The following CYLC1 variants were observed in gnomAD, a reference collection of about 807,000 sequenced individuals.
CYLC1 encodes cylicin 1.
Under a neutral mutation model 31.6 loss-of-function variants are expected in CYLC1, and 2 were observed. The observed-to-expected ratio is 0.06, with a 90% CI of 0.03 to 0.20. CYLC1 has a LOEUF of 0.20. Among genes scored for constraint, CYLC1 ranks in the 10% least tolerant of loss-of-function variants. The pLI is 1.00. For missense variants in CYLC1, 595 were observed against 424.1 expected (o/e 1.40, Z -3.54); for synonymous variants, 185 against 153.0 (o/e 1.21, Z -1.54).
At chrX:83,882,728 T>C (rs1000029711) in intron 4 of CYLC1, among the ~76,000 whole-genome samples, 9 of 111,281 alleles carry the variant, frequency 8.1e-5, no homozygotes, top group Admixed American at 9.7e-5. Flanking sequence ...GGAGCATTAG[T>C]CTACCACTAT....
At position 83,873,313 on chromosome X, in the gene CYLC1, A is replaced by T. The variant is rs2031701850; in HGVS notation, c.605A>T (p.Asp202Val). 8.3e-7 allele frequency: 1 copy of T among 1,202,669 alleles called. No individual in the cohort carries two copies. Among genetic ancestry groups the T allele is most frequent in the Non-Finnish European group, 1.1e-6 (1 of 891,287 alleles). The change falls in exon 4 of 5, where the codon GAT becomes GTT. Residue 202 changes from aspartate to valine, a missense_variant. Asp to Val is a radical substitution (Grantham distance 152). Coordinates refer to ENST00000329312, the MANE Select transcript of CYLC1 (RefSeq NM_021118.3). Reference sequence around the variant, plus strand: ...AATTGTTCACAAAAAGATAAGAAAGATTCAAAGAATTCCAAGAAGACAAAC... The same window carrying T: ...AATTGTTCACAAAAAGATAAGAAAGTTTCAAAGAATTCCAAGAAGACAAAC... ...SKNCSQKDKK[D>V]SKNSKKTNTE...
At chrX:83,868,701 A>G (rs1239383522) in intron 1 of CYLC1, among the ~76,000 whole-genome samples, 2 of 111,072 alleles carry the variant, frequency 1.8e-5, no homozygotes, top group Non-Finnish European at 3.8e-5. Flanking sequence ...GTGTGACTTT[A>G]TCTATATAGG....
At chrX:83,877,233 C>T (rs1241404270) in intron 4 of CYLC1, among the ~76,000 whole-genome samples, 1 of 110,748 alleles carries the variant, frequency 9.0e-6, no homozygotes, top group Non-Finnish European at 1.9e-5. Context: ...TGACTGAATC[C>T]ACTTTCCTTA....
chrX:83,884,918 G>A (rs761521088), intron 4 of CYLC1, among the ~76,000 whole-genome samples: 3 of 110,392 alleles, frequency 2.7e-5, no homozygotes, highest in South Asian at 7.6e-4. Flanking sequence ...TTATTTTCTA[G>A]ACATTACCCA....
At chrX:83,867,327 A>G (rs1270334577) in intron 1 of CYLC1, among the ~76,000 whole-genome samples, 1 of 111,476 alleles carries the variant, frequency 9.0e-6, no homozygotes, top group Non-Finnish European at 1.9e-5. Context: ...CCTCAAAATT[A>G]TTTTAATCTC....
intron 4 of CYLC1, among the ~76,000 whole-genome samples, chrX:83,885,836 CTATG>C (rs2031974917): frequency 9.1e-6 from 1 of 109,470 alleles, no homozygotes; most frequent in African/African-American, 3.3e-5. Context: ...ATATATAAAA[CTATG>C]TATACTTATA....
intron 1 of CYLC1, among the ~76,000 whole-genome samples, chrX:83,867,405 G>A (rs1174825392): frequency 9.0e-6 from 1 of 111,129 alleles, no homozygotes; most frequent in East Asian, 2.8e-4. Flanking sequence ...AACCACTCCT[G>A]GTACCAACAT....
At chrX:83,877,032 T>C (rs2031771954) in intron 4 of CYLC1, among the ~76,000 whole-genome samples, 1 of 111,289 alleles carries the variant, frequency 9.0e-6, no homozygotes, top group Non-Finnish European at 1.9e-5. Flanking sequence ...ACTTAAAATG[T>C]TTAAATAATA....
chrX:83,882,437 C>T (rs2031924560), intron 4 of CYLC1, among the ~76,000 whole-genome samples: 2 of 110,251 alleles, frequency 1.8e-5, no homozygotes, highest in South Asian at 7.7e-4. Flanking sequence ...TTAAAAAGTG[C>T]TCTTTTAATA....
chrX:83,869,684 T>G (rs939276845), intron 1 of CYLC1, among the ~76,000 whole-genome samples, 181 bp from the exon 2 acceptor site: 8 of 111,241 alleles, frequency 7.2e-5, no homozygotes, highest in African/African-American at 2.0e-4. Flanking sequence ...TTTTTTGAAG[T>G]GTTGCAATTG....
intron 4 of CYLC1, among the ~76,000 whole-genome samples, chrX:83,877,408 C>G (rs1309512297): frequency 9.0e-6 from 1 of 111,211 alleles, no homozygotes; most frequent in Non-Finnish European, 1.9e-5. Flanking sequence ...GCCACCATGT[C>G]TGGCAGAATA....
chrX:83,868,599 T>G (rs1036210010), intron 1 of CYLC1, among the ~76,000 whole-genome samples: 4 of 111,161 alleles, frequency 3.6e-5, no homozygotes, highest in Non-Finnish European at 7.6e-5. Flanking sequence ...TGGTCAAGAA[T>G]CACACTTTTC....
At chrX:83,864,334 C>T (rs1209910650) in intron 1 of CYLC1, among the ~76,000 whole-genome samples, 1 of 110,701 alleles carries the variant, frequency 9.0e-6, no homozygotes, top group African/African-American at 3.3e-5. Context: ...TCTTCCATAT[C>T]ATCATTTTTT....
At chrX:83,881,621 T>C (rs1252653070) in intron 4 of CYLC1, among the ~76,000 whole-genome samples, 1 of 110,816 alleles carries the variant, frequency 9.0e-6, no homozygotes, top group African/African-American at 3.3e-5. Flanking sequence ...TCATGAATTA[T>C]TGGGTACCAC....
intron 4 of CYLC1, among the ~76,000 whole-genome samples, 161 bp from the exon 5 acceptor site, chrX:83,886,391 G>C (rs2031983181): frequency 9.0e-6 from 1 of 111,355 alleles, no homozygotes; most frequent in South Asian, 3.8e-4. Context: ...GGAGACCAGG[G>C]ATCTGCGTTT....
intron 4 of CYLC1, among the ~76,000 whole-genome samples, chrX:83,884,420 C>T (rs1336407193): frequency 1.8e-5 from 2 of 111,164 alleles, no homozygotes; most frequent in Non-Finnish European, 3.8e-5. Context: ...CATGCAAAAG[C>T]TCTGTAGTTT....
chrX:83,865,091 A>G (rs2031574077), intron 1 of CYLC1, among the ~76,000 whole-genome samples: 1 of 111,453 alleles, frequency 9.0e-6, no homozygotes, highest in Non-Finnish European at 1.9e-5. Flanking sequence ...TATATGTACA[A>G]CTAATTTATT....
intron 4 of CYLC1, among the ~76,000 whole-genome samples, chrX:83,877,097 A>C (rs908857149): frequency 9.0e-6 from 1 of 110,840 alleles, no homozygotes; most frequent in East Asian, 2.8e-4. Flanking sequence ...ATCTTATCAG[A>C]TGGCACCACC....
rs190670756 is a variant in CYLC1, at chrX:83,872,873, C to T, written c.178-13C>T. 2 of 1,081,408 alleles carry T rather than the reference C, an allele frequency of 1.8e-6. No homozygotes were observed. Among genetic ancestry groups the T allele is most frequent in the East Asian group, 3.1e-5 (1 of 32,015 alleles). The allele number at this position is 1,081,408 out of a possible 1,213,427, so 89.1% of individuals were successfully genotyped here. On this transcript the variant is annotated splice_polypyrimidine_tract_variant and intron_variant, in intron 3 of 4. Coordinates refer to ENST00000329312, the MANE Select transcript of CYLC1 (RefSeq NM_021118.3). The stretch of plus-strand genomic sequence containing the variant: ...CATTCACAAATGCTTATTATTCTAA[C>T]CAATCTTTTCAGAGACATGACAAAA...
Sources: allele counts gnomAD v4.1 joint callset (sites outside exome capture counted in the v4.1 genomes callset), GRCh38; gene constraint gnomAD v4.1.1; transcripts MANE v1.5; gene names NCBI Gene and HGNC (gene_info 2026-07-23, HGNC 2026-07-21).